Variants in MAML3 observed in about 807,000 individuals in gnomAD.
The protein encoded by MAML3 is mastermind like transcriptional coactivator 3.
In MAML3, 27 loss-of-function variants were observed where a neutral mutation model predicts 101.9. The observed-to-expected ratio is 0.27, with a 90% confidence interval of 0.20 to 0.37. The LOEUF is 0.37. MAML3 is among the 10% of genes least tolerant of loss of function. MAML3 has a pLI of 1.00. For missense variants in MAML3, 1,316 were observed against 1,444.9 expected (o/e 0.91, Z 1.45); for synonymous variants, 501 against 555.9 (o/e 0.90, Z 1.39).
chr4:139,996,395 A>G (rs1452303609), intron 1 of MAML3, among the ~76,000 whole-genome samples: 2 of 151,654 alleles, frequency 1.3e-5, no homozygotes, highest in Non-Finnish European at 2.9e-5. Context: ...ATTATTGTCT[A>G]TTTCTTCCTT....
chr4:139,977,905 C>CA (rs1395018528), intron 1 of MAML3, among the ~76,000 whole-genome samples: 3 of 150,774 alleles, frequency 2.0e-5, no homozygotes, highest in Non-Finnish European at 4.4e-5. Flanking sequence ...AAAAAAAAAA[C>CA]AAAAAAAGGA....
intron 2 of MAML3, among the ~76,000 whole-genome samples, chr4:139,820,822 T>C (rs1160184595): frequency 6.6e-6 from 1 of 152,226 alleles, no homozygotes; most frequent in Non-Finnish European, 1.5e-5. Context: ...TTCACCACTA[T>C]AGATAATGCT....
At chr4:139,943,863 A>ATTTT (rs1560844242) in intron 1 of MAML3, among the ~76,000 whole-genome samples, 1 of 75,612 alleles carries the variant, frequency 1.3e-5, no homozygotes, top group African/African-American at 6.2e-5. Flanking sequence ...CCTAAAGACA[A>ATTTT]CTTTTTTTTT....
At chr4:139,882,492 T>C (rs1469591982) in intron 2 of MAML3, among the ~76,000 whole-genome samples, 1 of 151,988 alleles carries the variant, frequency 6.6e-6, no homozygotes, top group Non-Finnish European at 1.5e-5. Flanking sequence ...GACTTAATAG[T>C]AGGGAAGTCA....
In MAML3 at chr4:139,890,178, T is replaced by C; in HGVS notation, c.1258A>G (p.Thr420Ala). 6.2e-7 allele frequency: 1 copy of C among 1,612,706 alleles called. No homozygotes were observed. ...PANCAVQSPQ[T>A]PNQAHTPGQA... ...CCTGGAGTGTGGGCTTGGTTTGGAGTTTGAGGGGACTGGACAGCACAGTTT... is the reference window on the plus strand; with the variant it reads ...CCTGGAGTGTGGGCTTGGTTTGGAGCTTGAGGGGACTGGACAGCACAGTTT... The change falls in exon 2 of 5, where the codon ACT becomes GCT. Residue 420 changes from threonine to alanine, a missense_variant. By Grantham distance (58) the Thr-to-Ala change is moderately conservative. Transcript: ENST00000509479. This position sits in a 1 kb window ranked among gnomAD's most constrained non-coding sequence, Gnocchi z 4.1.
intron 1 of MAML3, among the ~76,000 whole-genome samples, chr4:140,007,858 T>G (rs932272539): frequency 5.3e-5 from 8 of 152,180 alleles, no homozygotes; most frequent in African/African-American, 1.9e-4. Context: ...CTCCTGCCAT[T>G]TTAAGGACAC....
In MAML3 at chr4:139,810,389, T is replaced by C. The variant is rs550479624; in HGVS notation, c.2079+78968A>G. 3.9e-5 allele frequency among the ~76,000 whole-genome samples: 6 copies of C among 152,140 alleles called. No homozygotes were observed. The East Asian group carries it at 1.2e-3, about 29-fold the overall frequency. On this transcript the variant is annotated intron_variant, in intron 2 of 4. Coordinates refer to ENST00000509479, the MANE Select transcript of MAML3 (RefSeq NM_018717.5). ...AATTTTTTTAGAGTCAGGGTCTAGC[T>C]ATGTTGCCCAGGCTGATCTCAAATT...
intron 2 of MAML3, among the ~76,000 whole-genome samples, chr4:139,768,890 G>A (rs891799806): frequency 8.5e-5 from 13 of 152,174 alleles, no homozygotes; most frequent in African/African-American, 2.9e-4. Context: ...TTTCTTTCAG[G>A]TGATAACATA....
chr4:139,719,822 C>T lies in MAML3; in HGVS notation c.2918G>A (p.Gly973Glu). Residue 973 changes from glycine to glutamate, a missense_variant, in exon 5 of 5, where the codon GGG (glycine) becomes GAG (glutamate). Physicochemically the swap from Gly to Glu is moderately conservative, Grantham distance 98 (BLOSUM62 -2). Transcript: ENST00000509479. ...TGGTCCCAATTCTCCACTAGTCCTC[C>T]CAGGCATGCCCTGCAAGCTCCTCTG... ...WQQRSLQGMP[G>E]RTSGELGPFN... is the part of the protein sequence containing the mutation. 1 of 1,613,560 alleles carries T rather than the reference C, an allele frequency of 6.2e-7. No individual in the cohort carries two copies. The highest frequency in any genetic ancestry group is 1.1e-5 in the South Asian group (1 of 91,092).
At chr4:139,930,405 C>T (rs1394048627) in intron 1 of MAML3, among the ~76,000 whole-genome samples, 1 of 152,102 alleles carries the variant, frequency 6.6e-6, no homozygotes, top group African/African-American at 2.4e-5. Flanking sequence ...GCTGACAGTG[C>T]AAAGACGAAG....
chr4:139,790,216 C>T (rs868636099), intron 2 of MAML3, among the ~76,000 whole-genome samples: 1 of 110,260 alleles, frequency 9.1e-6, no homozygotes, highest in Non-Finnish European at 1.8e-5. Flanking sequence ...ACCCTAGTGA[C>T]ATATATATAT....
chr4:140,016,786 C>T (rs1208653354), intron 1 of MAML3, among the ~76,000 whole-genome samples: 4 of 152,202 alleles, frequency 2.6e-5, no homozygotes, highest in Non-Finnish European at 5.9e-5. Flanking sequence ...TTTACCTAAA[C>T]CTCACACCTT....
intron 2 of MAML3, among the ~76,000 whole-genome samples, chr4:139,864,932 T>TTTG (rs1731867431): frequency 1.4e-5 from 2 of 140,574 alleles, no homozygotes; most frequent in South Asian, 2.2e-4. Flanking sequence ...GCTTTTTTTT[T>TTTG]TTTTTTTTTT....
chr4:139,767,017 C>T (rs1407342015), intron 2 of MAML3, among the ~76,000 whole-genome samples: 2 of 152,236 alleles, frequency 1.3e-5, no homozygotes, highest in Non-Finnish European at 2.9e-5. Context: ...AACAAGTATA[C>T]ACGTGACTAT....
chr4:139,915,458 C>T (rs140449150), intron 1 of MAML3, among the ~76,000 whole-genome samples: 2 of 152,170 alleles, frequency 1.3e-5, no homozygotes, highest in South Asian at 4.1e-4. Flanking sequence ...TTAAACCTAA[C>T]GTTCAGACAG....
At chr4:139,887,144 T>C (rs979621073) in intron 2 of MAML3, among the ~76,000 whole-genome samples, 2 of 152,230 alleles carry the variant, frequency 1.3e-5, no homozygotes, top group Admixed American at 6.5e-5. Flanking sequence ...CCGCATATAA[T>C]GTAATGAACT....
intron 1 of MAML3, among the ~76,000 whole-genome samples, chr4:140,133,428 A>G (rs1292363460): frequency 6.6e-6 from 1 of 152,218 alleles, no homozygotes; most frequent in Non-Finnish European, 1.5e-5. Context: ...CTTATAATTG[A>G]ATCACAGGGC....
chr4:139,988,170 T>C (rs894773998), intron 1 of MAML3, among the ~76,000 whole-genome samples: 1 of 147,116 alleles, frequency 6.8e-6, no homozygotes, highest in African/African-American at 2.5e-5. Context: ...CTACTAAAAA[T>C]ACAAAAATTA....
Position 139,890,697 on chromosome 4 carries a change from C to T in MAML3, c.739G>A (p.Gly247Ser), listed in dbSNP as rs1310144062. 3 of 1,614,046 alleles carry T rather than the reference C, an allele frequency of 1.9e-6. No homozygotes were observed. Among genetic ancestry groups the T allele is most frequent in the Admixed American group, 3.3e-5 (2 of 60,032 alleles). The change falls in exon 2 of 5, where the codon GGT becomes AGT. Residue 247 changes from glycine to serine, a missense_variant. By Grantham distance (56) the Gly-to-Ser change is moderately conservative (BLOSUM62 0). Transcript: ENST00000509479. The surrounding 1 kb of genome is among the most constrained non-coding windows in gnomAD (Gnocchi z 4.1). Reference protein sequence around the residue: ...PGLLEDLSKNGRLPEIKLPVN... With the variant: ...PGLLEDLSKNSRLPEIKLPVN... ...GGAAGTTTAATCTCAGGGAGCCTAC[C>T]ATTCTTACTTAGATCTTCTAGAAGC...
Sources: gnomAD v4.1 joint callset for allele counts (sites outside exome capture counted in the v4.1 genomes callset) on GRCh38, gnomAD v4.1.1 for gene constraint, Gnocchi (gnomAD v3.1) non-coding constraint, MANE v1.5 for transcripts, NCBI Gene and HGNC (gene_info 2026-07-23, HGNC 2026-07-21) for gene names.